CFAP45: variants seen among roughly 807,000 people sequenced by gnomAD.
CFAP45 encodes the protein cilia- and flagella-associated protein 45.
A neutral mutation model predicts 75.6 loss-of-function variants in CFAP45; 43 were observed. The ratio of observed to expected loss-of-function variants is 0.57; its 90% CI spans 0.45 to 0.73. The LOEUF is 0.73. CFAP45 is among the 30% of genes least tolerant of loss of function. The pLI, the probability that CFAP45 is intolerant of heterozygous loss-of-function variation, is 0.00. For missense variants in CFAP45, 689 were observed against 701.5 expected (o/e 0.98, Z 0.20); for synonymous variants, 223 against 244.6 (o/e 0.91, Z 0.82).
intron 8 of CFAP45, among the ~76,000 whole-genome samples, chr1:159,879,962 A>G (rs536218948): frequency 2.0e-5 from 3 of 152,270 alleles, no homozygotes; most frequent in African/African-American, 4.8e-5. Flanking sequence ...CTACTCTCCA[A>G]TCCCCGTAGA....
chr1:159,877,477 G>A lies in CFAP45; in HGVS notation c.1045-15C>T. The A allele has an allele frequency of 6.3e-7, 1 of 1,586,918 alleles. No homozygotes were observed. The highest frequency in any genetic ancestry group is 8.7e-7 in the Non-Finnish European group (1 of 1,155,114). On this transcript the variant is annotated splice_polypyrimidine_tract_variant and intron_variant, in intron 8 of 11. Transcript: ENST00000368099. ...GCTTCTCGAGCCTGCCGGAAGGAAA[G>A]GCCTTGTAGAATAGTTGCCATTGCC... is the stretch of plus-strand genomic sequence containing the variant.
At chr1:159,888,179 C>G (rs1649739347) in intron 4 of CFAP45, among the ~76,000 whole-genome samples, 168 bp from the exon 5 acceptor site, 1 of 152,184 alleles carries the variant, frequency 6.6e-6, no homozygotes, top group South Asian at 2.1e-4. Context: ...CCCCTTGGCC[C>G]CGGCTGCTCC....
chr1:159,886,403 G>T, intron 6 of CFAP45, 108 bp downstream of exon 6: 1 of 952,950 alleles, frequency 1.0e-6, no homozygotes. Context: ...ATAATAAGTA[G>T]ATGACAATAA....
intron 2 of CFAP45, among the ~76,000 whole-genome samples, chr1:159,892,862 T>C (rs1649860813): frequency 3.9e-5 from 6 of 152,242 alleles, no homozygotes; most frequent in Admixed American, 3.9e-4. Flanking sequence ...CCATCAGCCC[T>C]GCAATGTTTC....
At chr1:159,893,941 T>C (rs1444667102) in intron 1 of CFAP45, among the ~76,000 whole-genome samples, 2 of 151,752 alleles carry the variant, frequency 1.3e-5, no homozygotes, top group Non-Finnish European at 2.9e-5. Context: ...TTAATTTACA[T>C]TGTATATTTC....
chr1:159,898,474 G>T (rs919327235), intron 1 of CFAP45, among the ~76,000 whole-genome samples: 2 of 152,154 alleles, frequency 1.3e-5, no homozygotes, highest in African/African-American at 2.4e-5. Flanking sequence ...CACACAGCTG[G>T]CCTGCCAGAG....
chr1:159,872,610 C>G (rs773322799), intron 11 of CFAP45, 47 bp from the exon 12 acceptor site: 13 of 1,539,116 alleles, frequency 8.4e-6, no homozygotes, highest in East Asian at 2.2e-5. Flanking sequence ...TTGGACCAGA[C>G]AGGAGGTGGG....
chr1:159,876,708 T>G lies in CFAP45; in HGVS notation c.1200A>C (p.Arg400Ser). 6.2e-7 allele frequency: 1 copy of G among 1,614,198 alleles called. No individual in the cohort carries two copies. Among genetic ancestry groups the G allele is most frequent in the African/African-American group, 1.3e-5 (1 of 75,066 alleles). The part of the protein sequence containing the change: ...RAKRNQEVAD[R>S]EWRRKEKENA... ...TTTCCTTTTCCTTTCTGCGCCACTC[T>G]CTGTCTGCAACCTCCTGGTTGCGCT... Residue 400 changes from arginine (R) to serine (S), a missense_variant, in exon 10 of 12, where the codon AGA becomes AGC. Physicochemically the swap from Arg to Ser is moderately radical, Grantham distance 110. Transcript: ENST00000368099.
rs1361254499 is a variant in CFAP45, at chr1:159,900,130, C to T, written c.-32G>A. On this transcript the variant is annotated 5_prime_UTR_variant, in exon 1 of 12. Transcript: ENST00000368099. ...AGCCACACGCCCTGACTCCGGACTTCTGCTGCCGCCTCGGCGCCGCCAAGG... is the reference window on the plus strand; with the variant it reads ...AGCCACACGCCCTGACTCCGGACTTTTGCTGCCGCCTCGGCGCCGCCAAGG... 5.0e-6 allele frequency: 8 copies of T among 1,614,024 alleles called. No homozygotes were observed. Among genetic ancestry groups the T allele is most frequent in the Admixed American group, 1.7e-5 (1 of 60,012 alleles).
chr1:159,883,955 T>C (rs1392587963), intron 7 of CFAP45, among the ~76,000 whole-genome samples: 3 of 152,178 alleles, frequency 2.0e-5, no homozygotes, highest in Non-Finnish European at 4.4e-5. Flanking sequence ...TTACTAATTT[T>C]ATTTGGACTA....
chr1:159,884,664 C>G, intron 6 of CFAP45, 99 bp from the exon 7 acceptor site: 4 of 1,256,920 alleles, frequency 3.2e-6, no homozygotes, highest in Non-Finnish European at 4.4e-6. Flanking sequence ...GTGGTGTCAC[C>G]GAAACAATTT....
intron 3 of CFAP45, 62 bp from the exon 4 acceptor site, chr1:159,888,558 G>T: frequency 6.8e-7 from 1 of 1,469,930 alleles, no homozygotes. Flanking sequence ...CCACACTTCA[G>T]GCTTCTCTGC....
intron 5 of CFAP45, 138 bp downstream of exon 5, chr1:159,887,703 C>T: frequency 1.2e-6 from 1 of 852,052 alleles, no homozygotes; most frequent in Admixed American, 2.8e-5. Context: ...CTGCAACTAC[C>T]ACAGCAGGTG....
intron 1 of CFAP45, among the ~76,000 whole-genome samples, chr1:159,899,001 C>T (rs994485050): frequency 6.6e-6 from 1 of 152,188 alleles, no homozygotes; most frequent in Admixed American, 6.5e-5. Flanking sequence ...TCCACAAGTA[C>T]ATCCAAGTAG....
chr1:159,900,015 C>T, intron 1 of CFAP45, 81 bp downstream of exon 1: 2 of 1,550,424 alleles, frequency 1.3e-6, no homozygotes, highest in Non-Finnish European at 1.8e-6. Flanking sequence ...CAACTGTGAC[C>T]TCCCCTAGGC....
intron 7 of CFAP45, 99 bp from the exon 8 acceptor site, chr1:159,880,799 T>TG: frequency 9.3e-7 from 1 of 1,078,018 alleles, no homozygotes; most frequent in South Asian, 1.5e-5. Flanking sequence ...AGGGGGCAAA[T>TG]GCATTGCCTG....
At chr1:159,882,375 A>G (rs936742525) in intron 7 of CFAP45, among the ~76,000 whole-genome samples, 2 of 152,206 alleles carry the variant, frequency 1.3e-5, no homozygotes, top group Non-Finnish European at 1.5e-5. Flanking sequence ...TATGACATAC[A>G]TACAATCATG....
In CFAP45 at chr1:159,890,546, G is replaced by A. The variant is rs780617094; in HGVS notation, c.206C>T (p.Ala69Val). 5.0e-5 allele frequency: 81 copies of A among 1,613,976 alleles called. No individual in the cohort carries two copies. Among genetic ancestry groups the A allele is most frequent in the South Asian group, 1.3e-4 (12 of 91,084 alleles). The change falls in exon 3 of 12, where the codon GCT (alanine) becomes GTT (valine). Residue 69 changes from alanine (A) to valine (V), a missense_variant. Ala to Val is a moderately conservative substitution (Grantham distance 64, BLOSUM62 0). Coordinates refer to ENST00000368099, the MANE Select transcript of CFAP45 (RefSeq NM_012337.3). ...DKHTLQKTLTALGLDRKPETI... is the reference protein window; with the variant it reads ...DKHTLQKTLTVLGLDRKPETI... Reference sequence around the variant, plus strand: ...CTCTGGCTTGCGATCCAAGCCCAAAGCAGTGAGAGTTTTTTGAAGGGTATG... The same window carrying A: ...CTCTGGCTTGCGATCCAAGCCCAAAACAGTGAGAGTTTTTTGAAGGGTATG...
At chr1:159,876,880 C>G (rs1649417973) in intron 9 of CFAP45, 131 bp from the exon 10 acceptor site, 3 of 841,054 alleles carry the variant, frequency 3.6e-6, no homozygotes, top group Non-Finnish European at 3.9e-6. Context: ...TCTCTGGCAG[C>G]TAGTTATTCT....
Sources: gnomAD v4.1 joint callset for allele counts (sites outside exome capture counted in the v4.1 genomes callset) on GRCh38, gnomAD v4.1.1 for gene constraint, MANE v1.5 for transcripts, NCBI Gene and HGNC (gene_info 2026-07-23, HGNC 2026-07-21) for gene names.